Variants in ATM observed in about 807,000 individuals in gnomAD.
The protein encoded by ATM is serine-protein kinase ATM.
In ATM, 308 loss-of-function variants were observed where a neutral mutation model predicts 387.0. The observed-to-expected ratio is 0.80, with a 90% confidence interval of 0.73 to 0.87. The LOEUF (loss-of-function observed/expected upper bound fraction) is 0.87, where lower values mean the gene tolerates loss of function less well. Among genes scored for constraint, ATM ranks in the 40% least tolerant of loss-of-function variants. The pLI is 0.00. For synonymous variants in ATM, 1,156 were observed against 1,187.3 expected (o/e 0.97, Z 0.54); for missense variants, 3,312 against 3,560.9 (o/e 0.93, Z 1.78).
rs990828428 is a variant in ATM, at chr11:108,249,218, C to T, written c.1235+116C>T. ...CCAGAACTAAGTCATTTGTCTACCC[C>T]CAAACCTATTACTAGCAAAGGGATA... On this transcript the variant is annotated intron_variant, in intron 9 of 62. Coordinates refer to ENST00000675843, the MANE Select transcript of ATM (RefSeq NM_000051.4). The T allele has an allele frequency of 1.1e-5, 13 of 1,190,512 alleles. No individual in the cohort carries two copies. The African/African-American group carries it at 1.5e-4, about 14-fold the overall frequency. The allele number at this position is 1,190,512 out of a possible 1,614,324, so 73.7% of individuals were successfully genotyped here. A position where few individuals can be genotyped will look rare whatever the true frequency, so the allele number is the denominator to read the frequency against.
chr11:108,249,634 G>A (rs1458357709), intron 9 of ATM, among the ~76,000 whole-genome samples: 1 of 152,178 alleles, frequency 6.6e-6, no homozygotes, highest in Non-Finnish European at 1.5e-5. Flanking sequence ...TGGTAAGGAT[G>A]TTTAGAATTT....
chr11:108,272,282 C>T (rs1357145884), intron 20 of ATM, among the ~76,000 whole-genome samples: 2 of 152,134 alleles, frequency 1.3e-5, no homozygotes, highest in Non-Finnish European at 2.9e-5. Flanking sequence ...TTTAGCCATT[C>T]TATGGTAGCC....
intron 37 of ATM, among the ~76,000 whole-genome samples, chr11:108,306,194 A>C (rs760207519): frequency 6.6e-6 from 1 of 152,188 alleles, no homozygotes; most frequent in South Asian, 2.1e-4. Context: ...CAAATCTACT[A>C]TTTGGAAAAA....
At position 108,288,975 on chromosome 11, in the gene ATM, A is replaced by C; in HGVS notation, c.4110-2A>C. 1 of 1,613,596 alleles carries C rather than the reference A, an allele frequency of 6.2e-7. No homozygotes were observed. The highest frequency in any genetic ancestry group is 1.1e-5 in the South Asian group (1 of 91,068). On this transcript the variant is annotated splice_acceptor_variant, in intron 27 of 62. Transcript: ENST00000675843. LOFTEE classifies it high-confidence loss of function. ...CTGTATTTTTTCCCTTAACTCTGTT[A>C]GGGATTTGGATCCTGCTCCTAATCC...
In ATM at chr11:108,285,587, A is replaced by G. The variant is rs145342338; in HGVS notation, c.3993+1114A>G. On this transcript the variant is annotated intron_variant, in intron 26 of 62. Transcript: ENST00000675843. Reference sequence around the variant, plus strand: ...AGGGATAAGTAACCAAACTTGGTCAATATTAGATAAACTTCAAGGGACCTT... The same window carrying G: ...AGGGATAAGTAACCAAACTTGGTCAGTATTAGATAAACTTCAAGGGACCTT... 6.1e-3 allele frequency among the ~76,000 whole-genome samples: 924 copies of G among 152,300 alleles called. 6 individuals carry two copies. The highest frequency in any genetic ancestry group is 0.011 in the East Asian group (55 of 5,184).
chr11:108,349,567 G>A (rs1482678823), intron 59 of ATM, among the ~76,000 whole-genome samples: 1 of 152,182 alleles, frequency 6.6e-6, no homozygotes, highest in Non-Finnish European at 1.5e-5. Context: ...GGAGGCTGAG[G>A]CAGGAGAATC....
chr11:108,365,018 C>T, intron 61 of ATM, 64 bp from the exon 62 acceptor site: 1 of 1,571,346 alleles, frequency 6.4e-7, no homozygotes. Flanking sequence ...ACTGGTTCTA[C>T]TGTTTCTAAG....
intron 43 of ATM, among the ~76,000 whole-genome samples, chr11:108,317,765 C>G (rs2084876147): frequency 1.3e-5 from 2 of 150,366 alleles, no homozygotes; most frequent in African/African-American, 4.9e-5. Context: ...ATAGATAGCC[C>G]TAAATCCTTC....
At chr11:108,267,024 G>A (rs1237155427) in intron 16 of ATM, 147 bp from the exon 17 acceptor site, 7 of 752,336 alleles carry the variant, frequency 9.3e-6, no homozygotes, top group South Asian at 1.5e-5. Flanking sequence ...TCGAACTCCC[G>A]ACCTCAGGTG....
intron 16 of ATM, among the ~76,000 whole-genome samples, chr11:108,265,433 T>G (rs959239962): frequency 1.7e-3 from 265 of 152,302 alleles, no homozygotes; most frequent in Middle Eastern, 6.8e-3. Context: ...TAGCCATATG[T>G]AGAAAGCTGA....
chr11:108,266,820 G>A, intron 16 of ATM, among the ~76,000 whole-genome samples: 1 of 139,754 alleles, frequency 7.2e-6, no homozygotes. Context: ...TTGAGACAGA[G>A]TCTCGCTTCG....
At position 108,326,229 on chromosome 11, in the gene ATM, TG is replaced by T. The variant is rs1442949382; in HGVS notation, c.6975+5del. 1.2e-6 allele frequency: 2 copies of T among 1,614,040 alleles called. No homozygotes were observed. The highest frequency in any genetic ancestry group is 1.7e-5 in the Admixed American group (1 of 60,010). On this transcript the variant is annotated splice_donor_5th_base_variant and intron_variant, in intron 47 of 62. Transcript: ENST00000675843. ...GTTGGATGCCAGCTGTGCAGCGGTT[TG>T]TTTTTTTTATTGGCTGGATTAGTGT...
At chr11:108,292,871 T>C in intron 30 of ATM, 78 bp downstream of exon 30, 1 of 1,512,196 alleles carries the variant, frequency 6.6e-7, no homozygotes, top group Non-Finnish European at 9.1e-7. Context: ...GTTTTATGTT[T>C]ATTTGGTATA....
At chr11:108,316,349 T>C (rs2084648644) in intron 42 of ATM, among the ~76,000 whole-genome samples, 1 of 152,114 alleles carries the variant, frequency 6.6e-6, no homozygotes. Flanking sequence ...ACCTAAAAGA[T>C]AGTGTAGATT....
At chr11:108,238,962 C>T (rs996770819) in intron 5 of ATM, among the ~76,000 whole-genome samples, 4 of 152,054 alleles carry the variant, frequency 2.6e-5, no homozygotes, top group Non-Finnish European at 2.9e-5. Flanking sequence ...TTACCATTTT[C>T]CCCTCCCCTA....
At chr11:108,356,956 T>G (rs1237425758) in intron 61 of ATM, among the ~76,000 whole-genome samples, 1 of 152,178 alleles carries the variant, frequency 6.6e-6, no homozygotes, top group Non-Finnish European at 1.5e-5. Flanking sequence ...GATGGCCGAA[T>G]AGGAACAGCT....
chr11:108,267,919 A>G (rs2081352268), intron 17 of ATM, among the ~76,000 whole-genome samples: 1 of 152,240 alleles, frequency 6.6e-6, no homozygotes, highest in Admixed American at 6.5e-5. Flanking sequence ...AAATGAAAAC[A>G]CACCTGTAAT....
In ATM at chr11:108,358,059, A is replaced by C. The variant is rs539764474; in HGVS notation, c.8850+3185A>C. ...TTGACAACTTTGAAAAAAATTTAGAAGAATGTATAACTAGAATAACCAATA... is the reference window on the plus strand; with the variant it reads ...TTGACAACTTTGAAAAAAATTTAGACGAATGTATAACTAGAATAACCAATA... On this transcript the variant is annotated intron_variant, in intron 61 of 62. Transcript: ENST00000675843. 3.7e-4 allele frequency among the ~76,000 whole-genome samples: 55 copies of C among 147,604 alleles called. No individual in the cohort carries two copies. The East Asian group carries it at 1.0e-2, about 27-fold the overall frequency.
At chr11:108,317,228 C>T (rs2084755111) in intron 42 of ATM, 145 bp from the exon 43 acceptor site, 3 of 783,244 alleles carry the variant, frequency 3.8e-6, no homozygotes, top group Non-Finnish European at 6.1e-6. Flanking sequence ...CATGAGCCAC[C>T]ACACCCAGCT....
Sources: gnomAD v4.1 joint callset for allele counts (sites outside exome capture counted in the v4.1 genomes callset) on GRCh38, gnomAD v4.1.1 for gene constraint, MANE v1.5 for transcripts, NCBI Gene and HGNC (gene_info 2026-07-23, HGNC 2026-07-21) for gene names.